The following ZZZ3 variants were observed in gnomAD, a reference collection of about 807,000 sequenced individuals.
ZZZ3 encodes zinc finger ZZ-type containing 3.
In ZZZ3, 22 loss-of-function variants were observed where a neutral mutation model predicts 95.2. The ratio of observed to expected loss-of-function variants is 0.23; its 90% CI spans 0.17 to 0.33. The LOEUF is 0.33. ZZZ3 is among the 10% of genes least tolerant of loss of function. ZZZ3 has a pLI of 1.00. For synonymous variants in ZZZ3, 335 were observed against 358.9 expected, an observed-to-expected ratio of 0.93 and a Z score of 0.75; for missense variants, 885 against 1,066.5, an observed-to-expected ratio of 0.83 and a Z score of 2.37.
chr1:77,620,151 A>T (rs1666705784), intron 5 of ZZZ3, among the ~76,000 whole-genome samples: 1 of 152,234 alleles, frequency 6.6e-6, no homozygotes, highest in Non-Finnish European at 1.5e-5. Context: ...GAAGTAGCAC[A>T]ATAATCAAGA....
In ZZZ3 at chr1:77,581,085, G is replaced by C. The variant is rs370321439; in HGVS notation, c.1909-16C>G. On this transcript the variant is annotated splice_polypyrimidine_tract_variant and intron_variant, in intron 8 of 14. Transcript: ENST00000370801. Reference sequence around the variant, plus strand: ...CTCTTATCATCTGCACATAAGACAAGGCTTTTGTCAGAGAGAAAATAACAA... The same window carrying C: ...CTCTTATCATCTGCACATAAGACAACGCTTTTGTCAGAGAGAAAATAACAA... 1.9e-6 allele frequency: 3 copies of C among 1,610,482 alleles called. No individual in the cohort carries two copies. The highest frequency in any genetic ancestry group is 2.2e-5 in the East Asian group (1 of 44,850).
At chr1:77,674,495 CT>C (rs1672077609) in intron 1 of ZZZ3, among the ~76,000 whole-genome samples, 1 of 152,282 alleles carries the variant, frequency 6.6e-6, no homozygotes, top group South Asian at 2.1e-4. Flanking sequence ...ACACAAGTTT[CT>C]GGAGTTCTGA....
intron 1 of ZZZ3, chr1:77,676,947 T>C (rs567235568): frequency 6.6e-6 from 1 of 152,350 alleles, no homozygotes; most frequent in African/African-American, 2.4e-5. Context: ...TTTATTTAAA[T>C]CTAACTTAGA....
intron 5 of ZZZ3, among the ~76,000 whole-genome samples, chr1:77,599,645 T>C (rs986212660): frequency 8.5e-5 from 13 of 152,068 alleles, no homozygotes; most frequent in Non-Finnish European, 1.9e-4. Flanking sequence ...TACTTTTAAA[T>C]ACAGCAGAAC....
intron 1 of ZZZ3, among the ~76,000 whole-genome samples, chr1:77,644,848 T>G (rs1484822466): frequency 6.6e-6 from 1 of 152,232 alleles, no homozygotes; most frequent in Non-Finnish European, 1.5e-5. Flanking sequence ...TCATTTTCAA[T>G]TAAGCACTTC....
chr1:77,619,960 A>G (rs1392358551), intron 5 of ZZZ3, among the ~76,000 whole-genome samples: 1 of 152,134 alleles, frequency 6.6e-6, no homozygotes, highest in East Asian at 1.9e-4. Flanking sequence ...AATGCTTGAA[A>G]TTTCACCACC....
intron 5 of ZZZ3, among the ~76,000 whole-genome samples, chr1:77,588,208 C>A (rs1663301530): frequency 6.6e-6 from 1 of 152,108 alleles, no homozygotes; most frequent in South Asian, 2.1e-4. Context: ...ACATGCCAGA[C>A]AAATGTTGCA....
chr1:77,637,118 T>G (rs1051869175), intron 4 of ZZZ3, among the ~76,000 whole-genome samples: 1 of 152,224 alleles, frequency 6.6e-6, no homozygotes, highest in Non-Finnish European at 1.5e-5. Context: ...TATTAGGGTT[T>G]GAGAAGCACT....
chr1:77,639,318 C>G, intron 4 of ZZZ3, 131 bp downstream of exon 4: 3 of 609,000 alleles, frequency 4.9e-6, no homozygotes, highest in Non-Finnish European at 7.8e-6. Flanking sequence ...CTCCTATAAA[C>G]AGCCAGCCAA....
At chr1:77,595,733 A>G (rs749198770) in intron 5 of ZZZ3, among the ~76,000 whole-genome samples, 1 of 152,068 alleles carries the variant, frequency 6.6e-6, no homozygotes, top group Non-Finnish European at 1.5e-5. Flanking sequence ...ATCACAATGT[A>G]TAAGATAAAT....
chr1:77,649,474 A>G (rs1424066324), intron 1 of ZZZ3, among the ~76,000 whole-genome samples: 1 of 152,228 alleles, frequency 6.6e-6, no homozygotes, highest in Middle Eastern at 3.2e-3. Flanking sequence ...GACATGCATT[A>G]TAGGAAATGT....
At position 77,581,062 on chromosome 1, in the gene ZZZ3, C is replaced by G; in HGVS notation, c.1916G>C (p.Arg639Thr). The G allele has an allele frequency of 6.2e-7, 1 of 1,613,944 alleles. No individual in the cohort carries two copies. The highest frequency in any genetic ancestry group is 1.3e-5 in the African/African-American group (1 of 75,030). ...TTTGGTATCATCACACAAGCGTCCT[C>G]TTATCATCTGCACATAAGACAAGGC... ...EGSSSRPQMI[R>T]GRLCDDTKPE... Residue 639 changes from arginine (R) to threonine (T), a missense_variant, in exon 9 of 15, where the codon AGA becomes ACA. By Grantham distance (71) the Arg-to-Thr change is moderately conservative. Transcript: ENST00000370801.
Position 77,565,456 on chromosome 1 carries a change from T to C in ZZZ3, c.*184A>G, listed in dbSNP as rs1660731699. Reference sequence around the variant, plus strand: ...CCTTTGCTCACCAGGAATGTTCAGCTGCTGAACAGTGATCTAGAGCCACAA... The same window carrying C: ...CCTTTGCTCACCAGGAATGTTCAGCCGCTGAACAGTGATCTAGAGCCACAA... On this transcript the variant is annotated 3_prime_UTR_variant, in exon 15 of 15. Coordinates refer to ENST00000370801, the MANE Select transcript of ZZZ3 (RefSeq NM_015534.6). 3.7e-6 allele frequency: 2 copies of C among 534,592 alleles called. No homozygotes were observed. Among genetic ancestry groups the C allele is most frequent in the East Asian group, 6.6e-5 (2 of 30,422 alleles). The allele number at this position is 534,592 out of a possible 1,614,324, so 33.1% of individuals were successfully genotyped here.
In ZZZ3 at chr1:77,659,459, C is replaced by G. The variant is rs555023398; in HGVS notation, c.-402-17804G>C. Among the ~76,000 whole-genome samples, 96 of 151,644 alleles carry G rather than the reference C, an allele frequency of 6.3e-4. No homozygotes were observed. In the East Asian group the frequency reaches 0.017, roughly 27 times the overall value. ...TGGGTGAATCACCTGAGGTCAGGAG[C>G]TCGAGACCAGCCTGGCCAACATGGT... On this transcript the variant is annotated intron_variant, in intron 1 of 14. Coordinates refer to ENST00000370801, the MANE Select transcript of ZZZ3 (RefSeq NM_015534.6).
intron 1 of ZZZ3, among the ~76,000 whole-genome samples, chr1:77,679,955 A>T (rs1672596967): frequency 2.0e-5 from 3 of 152,226 alleles, no homozygotes; most frequent in Admixed American, 1.3e-4. Flanking sequence ...AAGAACAAGG[A>T]ACATATATTA....
At chr1:77,602,715 C>T (rs1039949693) in intron 5 of ZZZ3, among the ~76,000 whole-genome samples, 18 of 149,906 alleles carry the variant, frequency 1.2e-4, no homozygotes, top group African/African-American at 4.2e-4. Flanking sequence ...AGGCAATTCT[C>T]CTGCCTCAGC....
At position 77,599,498 on chromosome 1, in the gene ZZZ3, T is replaced by C. The variant is rs61655329; in HGVS notation, c.1506-14843A>G. 3.5e-3 allele frequency among the ~76,000 whole-genome samples: 525 copies of C among 152,164 alleles called. 3 individuals are homozygous for C. The highest frequency in any genetic ancestry group is 0.012 in the African/African-American group (500 of 41,560). On this transcript the variant is annotated intron_variant, in intron 5 of 14. Transcript: ENST00000370801. ...GGGTGGAAGATTCTTGCCATACAAT[T>C]CTTTTCATAATATAATTATTTACAA... is the stretch of plus-strand genomic sequence containing the variant.
intron 5 of ZZZ3, among the ~76,000 whole-genome samples, chr1:77,609,756 C>A (rs1416426078): frequency 6.6e-6 from 1 of 152,024 alleles, no homozygotes; most frequent in Non-Finnish European, 1.5e-5. Flanking sequence ...AATACCAACA[C>A]ATGCAAATTA....
intron 5 of ZZZ3, among the ~76,000 whole-genome samples, chr1:77,597,377 C>T (rs1439721296): frequency 1.3e-5 from 2 of 152,118 alleles, no homozygotes; most frequent in African/African-American, 4.8e-5. Flanking sequence ...TATGCAGACA[C>T]TCTGCCCTCA....
Sources: gnomAD v4.1 joint callset for allele counts (sites outside exome capture counted in the v4.1 genomes callset) on GRCh38, gnomAD v4.1.1 for gene constraint, MANE v1.5 for transcripts, NCBI Gene and HGNC (gene_info 2026-07-23, HGNC 2026-07-21) for gene names.